The following DTHD1 variants were observed in gnomAD, a reference collection of about 807,000 sequenced individuals.
DTHD1 encodes the protein death domain-containing protein 1.
Under a neutral mutation model 74.8 loss-of-function variants are expected in DTHD1, and 59 were observed. That is an observed-to-expected ratio of 0.79 (90% CI 0.64 to 0.98). The LOEUF is 0.98. Ranked by LOEUF, DTHD1 falls within the 50% of genes least tolerant of loss-of-function variation. DTHD1 has a pLI of 0.00. For synonymous variants in DTHD1, 365 were observed against 371.1 expected (o/e 0.98, Z 0.19); for missense variants, 1,051 against 1,065.4 (o/e 0.99, Z 0.19).
chr4:36,306,335 G>A lies in DTHD1; in HGVS notation c.1788G>A (p.Leu596=). 2 of 1,549,448 alleles carry A rather than the reference G, an allele frequency of 1.3e-6. No individual in the cohort carries two copies. Among genetic ancestry groups the A allele is most frequent in the East Asian group, 2.4e-5 (1 of 40,880 alleles). The change falls in exon 6 of 10, where the codon TTG becomes TTA. Residue 596 remains leucine, a synonymous_variant. Coordinates refer to ENST00000639862, the MANE Select transcript of DTHD1 (RefSeq NM_001170700.3). ...AGAGCGGCTTGGTATCAGTTGAATT[G>A]TATGAACATTTGGAGAGGTAATACC... ...TIQSGLVSVE[L]YEHLERFIVL...
In DTHD1 at chr4:36,308,341, C is replaced by G; in HGVS notation, c.1943C>G (p.Ala648Gly). Residue 648 changes from alanine (A) to glycine (G), a missense_variant, in exon 7 of 10, where the codon GCT (alanine) becomes GGT (glycine). Ala to Gly is a moderately conservative substitution (Grantham distance 60, BLOSUM62 0). Coordinates refer to ENST00000639862, the MANE Select transcript of DTHD1 (RefSeq NM_001170700.3). ...SHQKDNPHRI[A>G]VLVVPSKDLS... ...CAGAAGGACAATCCACATAGAATAG[C>G]TGTTTTAGTGGTGCCTTCCAAAGAT... 1 of 1,551,876 alleles carries G rather than the reference C, an allele frequency of 6.4e-7. No individual in the cohort carries two copies. Among genetic ancestry groups the G allele is most frequent in the Non-Finnish European group, 8.7e-7 (1 of 1,147,024 alleles).
In DTHD1 at chr4:36,284,061, G is replaced by A; in HGVS notation, c.357G>A (p.Glu119=). The part of the protein sequence containing the change: ...TAALLKKEEK[E]ICNLCGMHDE... ...CACTTCTAAAGAAAGAAGAAAAGGA[G>A]ATTTGTAATTTATGCGGCATGCATG... Residue 119 remains glutamate, a synonymous_variant, in exon 2 of 10, where the codon GAG becomes GAA. Transcript: ENST00000639862. 1 of 1,537,170 alleles carries A rather than the reference G, an allele frequency of 6.5e-7. No individual in the cohort carries two copies. The highest frequency in any genetic ancestry group is 2.4e-5 in the East Asian group (1 of 40,908).
chr4:36,318,324 CT>C (rs1461858764), intron 8 of DTHD1, among the ~76,000 whole-genome samples: 1 of 152,302 alleles, frequency 6.6e-6, no homozygotes, highest in African/African-American at 2.4e-5. Context: ...TGTATGATGT[CT>C]GTACTATGCT....
intron 7 of DTHD1, among the ~76,000 whole-genome samples, chr4:36,314,232 C>A (rs999881142): frequency 6.6e-6 from 1 of 151,856 alleles, no homozygotes; most frequent in African/African-American, 2.4e-5. Context: ...CAGTCAGGAC[C>A]GGGAGAAGGG....
intron 7 of DTHD1, among the ~76,000 whole-genome samples, chr4:36,312,399 T>C (rs1264500242): frequency 1.3e-5 from 2 of 151,952 alleles, no homozygotes; most frequent in African/African-American, 4.8e-5. Flanking sequence ...TTTGTTGATC[T>C]TAGGTATATT....
chr4:36,343,276 A>G (rs1189085707), intron 9 of DTHD1, among the ~76,000 whole-genome samples: 1 of 152,142 alleles, frequency 6.6e-6, no homozygotes, highest in Admixed American at 6.5e-5. Flanking sequence ...AAAATTTCAT[A>G]AGCATTTAAA....
intron 5 of DTHD1, among the ~76,000 whole-genome samples, chr4:36,304,698 C>A (rs1756948313): frequency 6.6e-6 from 1 of 152,134 alleles, no homozygotes; most frequent in African/African-American, 2.4e-5. Flanking sequence ...ACTTTTCTTC[C>A]TTTAGTTGTA....
At chr4:36,311,859 A>G (rs1410890668) in intron 7 of DTHD1, 1 of 152,216 alleles carries the variant, frequency 6.6e-6, no homozygotes, top group African/African-American at 2.4e-5. Flanking sequence ...AAAAAGCATT[A>G]TAGTATTAAG....
chr4:36,313,243 C>T lies in DTHD1; in HGVS notation c.2096-2999C>T, dbSNP rs538597971. On this transcript the variant is annotated intron_variant, in intron 7 of 9. Transcript: ENST00000639862. ...GTACATTCTGGAACTTTTTACATGA[C>T]AAGTATTTACTAAATAGCTACTATC... 4.6e-5 allele frequency among the ~76,000 whole-genome samples: 7 copies of T among 152,146 alleles called. No individual in the cohort carries two copies. In the East Asian group the frequency reaches 1.2e-3, roughly 25 times the overall value.
At chr4:36,308,542 A>G in intron 7 of DTHD1, 49 bp downstream of exon 7, 1 of 1,443,056 alleles carries the variant, frequency 6.9e-7, no homozygotes, top group Middle Eastern at 2.3e-4. Context: ...ATAAGCCACA[A>G]GCTCTTCAGA....
At chr4:36,303,982 G>T (rs1250349038) in intron 5 of DTHD1, among the ~76,000 whole-genome samples, 2 of 152,134 alleles carry the variant, frequency 1.3e-5, no homozygotes, top group African/African-American at 4.8e-5. Context: ...TAGTCACTTG[G>T]CCCCACTCAA....
At position 36,306,292 on chromosome 4, in the gene DTHD1, ATGT is replaced by A. The variant is rs747697241; in HGVS notation, c.1749_1751del (p.Val584del). ...GACAGTGGTTGGTGTGGGCTTGATG[ATGT>A]TGTGAAAACCATACAGAGCGGCTTG... On this transcript the variant is annotated inframe_deletion, in exon 6 of 10. Transcript: ENST00000639862. 642 of 1,551,712 alleles carry A rather than the reference ATGT, an allele frequency of 4.1e-4. 1 individual carries two copies. The highest frequency in any genetic ancestry group is 5.0e-4 in the Non-Finnish European group (575 of 1,146,980).
intron 8 of DTHD1, among the ~76,000 whole-genome samples, chr4:36,331,028 T>G (rs1315443608): frequency 2.0e-5 from 3 of 152,078 alleles, no homozygotes; most frequent in Non-Finnish European, 4.4e-5. Context: ...CAGCATAACC[T>G]TTACTATTAT....
chr4:36,283,922 T>C (rs1755541262), intron 1 of DTHD1, 54 bp from the exon 2 acceptor site: 2 of 1,224,060 alleles, frequency 1.6e-6, no homozygotes, highest in Non-Finnish European at 2.3e-6. Flanking sequence ...TGCAGAAACA[T>C]AATTTGGTTT....
At chr4:36,282,058 T>G in intron 1 of DTHD1, 29 bp downstream of exon 1, 4 of 1,506,300 alleles carry the variant, frequency 2.7e-6, no homozygotes, top group Non-Finnish European at 3.6e-6. Context: ...AGTTTATTCT[T>G]TCTCTAAGAA....
intron 8 of DTHD1, among the ~76,000 whole-genome samples, chr4:36,334,119 T>C (rs1395780485): frequency 6.6e-6 from 1 of 152,220 alleles, no homozygotes; most frequent in East Asian, 1.9e-4. Context: ...TTCCATGTAC[T>C]CATTGGGATA....
At chr4:36,290,747 T>A in intron 3 of DTHD1, 44 bp downstream of exon 3, 4 of 1,403,224 alleles carry the variant, frequency 2.9e-6, no homozygotes, top group Non-Finnish European at 3.8e-6. Flanking sequence ...GTTTGGCTCC[T>A]CTTATAAATA....
chr4:36,283,951 T>C (rs1755543216), intron 1 of DTHD1, 25 bp from the exon 2 acceptor site: 1 of 1,436,130 alleles, frequency 7.0e-7, no homozygotes, highest in Admixed American at 2.2e-5. Flanking sequence ...ATTTATTCTT[T>C]GTGTGTCCAT....
intron 3 of DTHD1, among the ~76,000 whole-genome samples, chr4:36,292,646 G>A (rs994760088): frequency 6.6e-6 from 1 of 152,138 alleles, no homozygotes; most frequent in African/African-American, 2.4e-5. Flanking sequence ...TTCATTCAGC[G>A]ATATTGTGAA....
Sources: gnomAD v4.1 joint callset for allele counts (sites outside exome capture counted in the v4.1 genomes callset) on GRCh38, gnomAD v4.1.1 for gene constraint, MANE v1.5 for transcripts, NCBI Gene and HGNC (gene_info 2026-07-23, HGNC 2026-07-21) for gene names.